The following ANKRD6 variants were observed in gnomAD, a reference collection of about 807,000 sequenced individuals.
ANKRD6 encodes ankyrin repeat domain 6.
In ANKRD6, 56 loss-of-function variants were observed where a neutral mutation model predicts 82.3. The ratio of observed to expected loss-of-function variants is 0.68; its 90% CI spans 0.55 to 0.85. The LOEUF (loss-of-function observed/expected upper bound fraction) is 0.85, where lower values mean the gene tolerates loss of function less well. Among genes scored for constraint, ANKRD6 ranks in the 40% least tolerant of loss-of-function variants. The probability of loss-of-function intolerance (pLI) is 0.00; values close to 1 mark genes in which losing one functional copy is unlikely to be tolerated. For synonymous variants in ANKRD6, 347 were observed against 352.1 expected (o/e 0.99, Z 0.16); for missense variants, 852 against 907.6 (o/e 0.94, Z 0.79).
At chr6:89,538,852 T>C (rs572523015) in intron 1 of ANKRD6, among the ~76,000 whole-genome samples, 73 of 152,248 alleles carry the variant, frequency 4.8e-4, no homozygotes, top group Non-Finnish European at 8.7e-4. Flanking sequence ...CTTAATACTT[T>C]CATGCAAAGA....
chr6:89,455,867 C>A (rs1053544664), intron 1 of ANKRD6, among the ~76,000 whole-genome samples: 5 of 151,908 alleles, frequency 3.3e-5, no homozygotes, highest in African/African-American at 1.2e-4. Flanking sequence ...TCAGGTATTT[C>A]TTTTCTCTCT....
chr6:89,478,782 A>C (rs1276214375), intron 1 of ANKRD6, among the ~76,000 whole-genome samples: 1 of 151,334 alleles, frequency 6.6e-6, no homozygotes, highest in Non-Finnish European at 1.5e-5. Context: ...GAGGAAAAAT[A>C]CTTAATTAAA....
Position 89,623,455 on chromosome 6 carries a change from G to C in ANKRD6, c.943G>C (p.Ala315Pro). Residue 315 changes from alanine to proline, a missense_variant, in exon 11 of 16, where the codon GCC becomes CCC. Physicochemically the swap from Ala to Pro is conservative, Grantham distance 27. Transcript: ENST00000339746. The part of the protein sequence containing the change: ...GDTPSSEQAV[A>P]RKEEAREEFL... ...CACCCCCAGCAGTGAACAGGCTGTG[G>C]CCAGAAAAGAAGAAGCCAGAGAAGA... The C allele has an allele frequency of 6.2e-7, 1 of 1,610,534 alleles. No homozygotes were observed. The highest frequency in any genetic ancestry group is 1.1e-5 in the South Asian group (1 of 90,286).
At chr6:89,609,361 G>A (rs972221661) in intron 5 of ANKRD6, among the ~76,000 whole-genome samples, 6 of 151,892 alleles carry the variant, frequency 4.0e-5, no homozygotes, top group South Asian at 4.1e-4. Flanking sequence ...GAGTGCAATG[G>A]CTCAATCTCG....
At chr6:89,462,874 T>TC (rs1233196560) in intron 1 of ANKRD6, among the ~76,000 whole-genome samples, 2 of 151,364 alleles carry the variant, frequency 1.3e-5, no homozygotes, top group Non-Finnish European at 3.0e-5. Flanking sequence ...AGTTTTTTTT[T>TC]TTTTTTTTTC....
At chr6:89,518,627 A>T (rs1177855350) in intron 1 of ANKRD6, among the ~76,000 whole-genome samples, 3 of 151,350 alleles carry the variant, frequency 2.0e-5, no homozygotes, top group Non-Finnish European at 4.4e-5. Context: ...GCTCACACAG[A>T]GTCATATGAT....
intron 1 of ANKRD6, among the ~76,000 whole-genome samples, 195 bp from the exon 2 acceptor site, chr6:89,566,639 A>G (rs1258850530): frequency 6.6e-6 from 1 of 152,236 alleles, no homozygotes; most frequent in Non-Finnish European, 1.5e-5. Context: ...AAGTTGGCAC[A>G]TTCTGCTGCC....
At chr6:89,583,065 A>G (rs1416506113) in intron 2 of ANKRD6, among the ~76,000 whole-genome samples, 1 of 152,148 alleles carries the variant, frequency 6.6e-6, no homozygotes, top group East Asian at 1.9e-4. Context: ...CCATACCTAG[A>G]TGCTGTGGTT....
chr6:89,578,288 T>C (rs1330035973), intron 2 of ANKRD6, among the ~76,000 whole-genome samples: 1 of 6,318 alleles, frequency 1.6e-4, no homozygotes, highest in African/African-American at 3.1e-4. Flanking sequence ...CCCGCCTCCT[T>C]TTTTTTTTTT....
At chr6:89,435,282 C>T (rs924213227) in intron 1 of ANKRD6, among the ~76,000 whole-genome samples, 32 of 152,148 alleles carry the variant, frequency 2.1e-4, no homozygotes, top group South Asian at 2.1e-4. Context: ...ACGAGTCACC[C>T]GGCTGAAGAA....
In ANKRD6 at chr6:89,433,837, G is replaced by A. The variant is rs1231078661; in HGVS notation, c.-144+462G>A. On this transcript the variant is annotated intron_variant, in intron 1 of 15. Transcript: ENST00000339746. This position sits in a 1 kb window ranked among gnomAD's most constrained non-coding sequence, Gnocchi z 4.3. ...ACGACAGCACTAGGGTGCAGTCGCA[G>A]GAGAGGGGCCGATACCCCTCAGGAG... 2.0e-5 allele frequency among the ~76,000 whole-genome samples: 3 copies of A among 152,240 alleles called. No individual in the cohort carries two copies. The highest frequency in any genetic ancestry group is 4.4e-5 in the Non-Finnish European group (3 of 68,038).
At chr6:89,461,335 A>G (rs1774108403) in intron 1 of ANKRD6, among the ~76,000 whole-genome samples, 1 of 152,212 alleles carries the variant, frequency 6.6e-6, no homozygotes, top group South Asian at 2.1e-4. Flanking sequence ...TATGCCTTTC[A>G]CATAAAGGCA....
chr6:89,621,707 G>A lies in ANKRD6; in HGVS notation c.793-215G>A. ...TAGACTTTAAGCTTCTTGAGGTCAG[G>A]GATAATATCCTACCTGTCTCCGAGT... is the stretch of plus-strand genomic sequence containing the variant. On this transcript the variant is annotated intron_variant, in intron 9 of 15. Transcript: ENST00000339746. 5.2e-6 allele frequency: 3 copies of A among 573,342 alleles called. No individual in the cohort carries two copies. In the South Asian group the frequency reaches 6.0e-5, roughly 11 times the overall value. 35.5% of individuals were successfully genotyped at this position (573,342 alleles called of 1,614,324 possible).
chr6:89,603,190 G>A, intron 4 of ANKRD6, 63 bp downstream of exon 4: 1 of 1,466,306 alleles, frequency 6.8e-7, no homozygotes, highest in Non-Finnish European at 9.3e-7. Flanking sequence ...CAGGGGAGCT[G>A]GAGGAGCCCG....
chr6:89,566,969 C>G lies in ANKRD6; in HGVS notation c.-8C>G, dbSNP rs1048288582. On this transcript the variant is annotated 5_prime_UTR_variant, in exon 2 of 16. Coordinates refer to ENST00000339746, the MANE Select transcript of ANKRD6 (RefSeq NM_001242809.2). ...ACCGCTTCCCTGAAAACCTTTCTTT[C>G]CTAATTCATGAGCCAGCAAGATGCG... 5.1e-6 allele frequency: 8 copies of G among 1,577,196 alleles called. No individual in the cohort carries two copies. In the African/African-American group the frequency reaches 9.4e-5, roughly 19 times the overall value.
intron 1 of ANKRD6, among the ~76,000 whole-genome samples, chr6:89,471,360 A>C (rs1178925695): frequency 8.5e-6 from 1 of 117,096 alleles, no homozygotes; most frequent in Non-Finnish European, 1.8e-5. Flanking sequence ...CAACAACAAC[A>C]AAAAAAAAAA....
chr6:89,479,316 C>A (rs937787724), intron 1 of ANKRD6, among the ~76,000 whole-genome samples: 1 of 152,150 alleles, frequency 6.6e-6, no homozygotes, highest in Non-Finnish European at 1.5e-5. Context: ...TTCATTTTTA[C>A]AAATGAGAAC....
chr6:89,604,749 C>T (rs972678721), intron 4 of ANKRD6, among the ~76,000 whole-genome samples: 12 of 152,128 alleles, frequency 7.9e-5, no homozygotes, highest in African/African-American at 2.4e-4. Flanking sequence ...GGCCACACAC[C>T]GCCAATACAG....
At chr6:89,489,176 G>T (rs1287844584) in intron 1 of ANKRD6, among the ~76,000 whole-genome samples, 1 of 152,184 alleles carries the variant, frequency 6.6e-6, no homozygotes, top group Non-Finnish European at 1.5e-5. Context: ...TCAAGGCAGA[G>T]CTCTTTGTGT....
Sources: allele counts gnomAD v4.1 joint callset (sites outside exome capture counted in the v4.1 genomes callset), GRCh38; gene constraint gnomAD v4.1.1; non-coding constraint Gnocchi (gnomAD v3.1); transcripts MANE v1.5; gene names NCBI Gene and HGNC (gene_info 2026-07-23, HGNC 2026-07-21).